The following RNF24 variants were observed in gnomAD, a reference collection of about 807,000 sequenced individuals.
RNF24 encodes ring finger protein 24.
RNF24 carries 14 observed loss-of-function variants against 20.0 expected under a neutral mutation model. That is an observed-to-expected ratio of 0.70 (90% CI 0.46 to 1.10). The LOEUF is 1.10. RNF24 is among the 50% of genes least tolerant of loss of function. RNF24 has a pLI of 0.00. For missense variants in RNF24, 124 were observed against 177.6 expected (o/e 0.70, Z 1.71); for synonymous variants, 45 against 61.1 (o/e 0.74, Z 1.23).
rs1173798858 is a variant in RNF24, at chr20:3,932,917, C to T, written c.*1146G>A. Reference sequence around the variant, plus strand: ...ATAAAGACACTTTCACTTTCAGTTTCGGAAGTCCAAATACTGAGGCACACA... The same window carrying T: ...ATAAAGACACTTTCACTTTCAGTTTTGGAAGTCCAAATACTGAGGCACACA... On this transcript the variant is annotated 3_prime_UTR_variant, in exon 6 of 6. Transcript: ENST00000358395. The T allele has an allele frequency of 5.0e-6, 2 of 398,480 alleles. No individual in the cohort carries two copies. The highest frequency in any genetic ancestry group is 3.6e-5 in the East Asian group (1 of 28,092). 24.7% of individuals were successfully genotyped at this position (398,480 alleles called of 1,614,324 possible).
rs188756172 is a variant in RNF24 at position 3,949,154 on chromosome 20, C to T, written c.144-875G>A. Among the ~76,000 whole-genome samples, 688 of 151,758 alleles carry T rather than the reference C, an allele frequency of 4.5e-3. 14 individuals carry two copies. The highest frequency in any genetic ancestry group is 0.029 in the Admixed American group (449 of 15,258). On this transcript the variant is annotated intron_variant, in intron 2 of 5. Coordinates refer to ENST00000358395, the MANE Select transcript of RNF24 (RefSeq NM_001134337.3). ...TAGCACTTTGGGAGGCCGCGGCAGG[C>T]GGATGGCCTGAGGTCAAGAGTTTGA...
At chr20:4,006,043 G>C (rs898641644) in intron 1 of RNF24, among the ~76,000 whole-genome samples, 2 of 152,116 alleles carry the variant, frequency 1.3e-5, no homozygotes, top group African/African-American at 4.8e-5. Context: ...CAAAATGAGA[G>C]ACAAGCTAAG....
intron 1 of RNF24, among the ~76,000 whole-genome samples, chr20:3,983,341 T>C (rs571472631): frequency 6.6e-6 from 1 of 152,208 alleles, no homozygotes; most frequent in African/African-American, 2.4e-5. Flanking sequence ...AGTTACCATA[T>C]ATATATTTGC....
At chr20:3,982,596 A>AG (rs34023905) in intron 1 of RNF24, among the ~76,000 whole-genome samples, 1 of 146,004 alleles carries the variant, frequency 6.8e-6, no homozygotes, top group African/African-American at 2.5e-5. Flanking sequence ...AAAAAAAAAA[A>AG]GAGGTGGGAG....
Position 3,929,918 on chromosome 20 carries a change from T to C in RNF24, c.*4145A>G, listed in dbSNP as rs2090796788. 1 of 152,254 alleles carries C rather than the reference T, an allele frequency of 6.6e-6. No homozygotes were observed. Among genetic ancestry groups the C allele is most frequent in the Admixed American group, 6.5e-5 (1 of 15,286 alleles). 9.4% of individuals were successfully genotyped at this position (152,254 alleles called of 1,614,324 possible). Reference sequence around the variant, plus strand: ...GTGTGATTGCAAAAACATCCCCCAATTCTGGGTTCACATTTTGTATTCTGA... The same window carrying C: ...GTGTGATTGCAAAAACATCCCCCAACTCTGGGTTCACATTTTGTATTCTGA... On this transcript the variant is annotated 3_prime_UTR_variant, in exon 6 of 6. Transcript: ENST00000358395.
chr20:3,976,143 T>C (rs753174686), intron 1 of RNF24, among the ~76,000 whole-genome samples: 5 of 152,192 alleles, frequency 3.3e-5, no homozygotes, highest in East Asian at 1.9e-4. Context: ...ATAGATTTTC[T>C]GTTGTTTTAA....
At chr20:3,995,701 C>T (rs762350034) in intron 1 of RNF24, among the ~76,000 whole-genome samples, 2 of 152,120 alleles carry the variant, frequency 1.3e-5, no homozygotes, top group African/African-American at 2.4e-5. Flanking sequence ...AGGATCACCT[C>T]GTTCTTTTAA....
intron 4 of RNF24, among the ~76,000 whole-genome samples, chr20:3,942,173 A>T (rs894913907): frequency 4.9e-4 from 72 of 145,594 alleles, no homozygotes; most frequent in Middle Eastern, 3.5e-3. Flanking sequence ...TCAGAAAAAT[A>T]TTTTTTTTTT....
chr20:3,951,057 A>T (rs1280658414), intron 2 of RNF24, among the ~76,000 whole-genome samples: 2 of 152,068 alleles, frequency 1.3e-5, no homozygotes, highest in Non-Finnish European at 1.5e-5. Flanking sequence ...CTGGGTTCAC[A>T]CCATTCTCCT....
chr20:4,011,325 G>C (rs1287411439), intron 1 of RNF24, among the ~76,000 whole-genome samples: 1 of 152,172 alleles, frequency 6.6e-6, no homozygotes, highest in African/African-American at 2.4e-5. Context: ...TCTGAATTCA[G>C]GAAGGAATTT....
In RNF24 at chr20:3,933,726, C is replaced by G. The variant is rs6052178; in HGVS notation, c.*337G>C. On this transcript the variant is annotated 3_prime_UTR_variant, in exon 6 of 6. Transcript: ENST00000358395. ...GGGGGTGTGGCTTGAAAGACCTGCTCTTAGTTCCCTTCTTTACCCTCCTGC... is the reference window on the plus strand; with the variant it reads ...GGGGGTGTGGCTTGAAAGACCTGCTGTTAGTTCCCTTCTTTACCCTCCTGC... 6,747 of 188,538 alleles carry G rather than the reference C, an allele frequency of 0.036. 477 individuals are homozygous for G. The highest frequency in any genetic ancestry group is 0.15 in the African/African-American group (6,362 of 42,980). 11.7% of individuals were successfully genotyped at this position (188,538 alleles called of 1,614,324 possible).
In RNF24 at chr20:3,947,683, A is replaced by AAGATT. The variant is rs1189137829; in HGVS notation, c.186+553_186+554insAATCT. Among the ~76,000 whole-genome samples, 13 of 152,342 alleles carry AAGATT rather than the reference A, an allele frequency of 8.5e-5. No individual in the cohort carries two copies. The East Asian group carries it at 2.5e-3, about 29-fold the overall frequency. Reference sequence around the variant, plus strand: ...ACAAGCTATAGCATTTCTCTTTAGCAATCTGTTGGCTCAAGTTTCCTGTTA... The same window carrying AAGATT: ...ACAAGCTATAGCATTTCTCTTTAGCAAGATTATCTGTTGGCTCAAGTTTCCTGTTA... On this transcript the variant is annotated intron_variant, in intron 3 of 5. Coordinates refer to ENST00000358395, the MANE Select transcript of RNF24 (RefSeq NM_001134337.3).
At chr20:3,941,885 C>T (rs536917662) in intron 4 of RNF24, among the ~76,000 whole-genome samples, 1 of 152,120 alleles carries the variant, frequency 6.6e-6, no homozygotes, top group Non-Finnish European at 1.5e-5. Context: ...ACCAGCCTGG[C>T]TAACATGGTG....
intron 2 of RNF24, among the ~76,000 whole-genome samples, chr20:3,953,465 CTCT>C (rs1335507488): frequency 3.4e-5 from 2 of 59,372 alleles, no homozygotes; most frequent in Admixed American, 3.1e-4. Context: ...AACACATTCT[CTCT>C]TTTTTTTTTT....
chr20:3,973,795 C>T (rs1435428562), intron 1 of RNF24, among the ~76,000 whole-genome samples: 1 of 152,074 alleles, frequency 6.6e-6, no homozygotes, highest in Non-Finnish European at 1.5e-5. Flanking sequence ...GAGGCTTTTA[C>T]CAGAGAATTC....
chr20:4,005,348 GA>G (rs920219840), intron 1 of RNF24, among the ~76,000 whole-genome samples: 12 of 149,852 alleles, frequency 8.0e-5, no homozygotes, highest in Admixed American at 2.7e-4. Context: ...TGTGATTTAA[GA>G]AAAAAAAAAT....
At chr20:3,987,466 G>A (rs1227344905) in intron 1 of RNF24, among the ~76,000 whole-genome samples, 1 of 152,042 alleles carries the variant, frequency 6.6e-6, no homozygotes, top group African/African-American at 2.4e-5. Flanking sequence ...CCTCATTTTG[G>A]CACTCAAAAC....
chr20:4,010,391 T>C (rs1021042312), intron 1 of RNF24, among the ~76,000 whole-genome samples: 2 of 152,108 alleles, frequency 1.3e-5, no homozygotes, highest in Admixed American at 6.6e-5. Context: ...AATAATAATA[T>C]GTATCCATGA....
At chr20:4,006,086 A>G (rs1035652598) in intron 1 of RNF24, among the ~76,000 whole-genome samples, 2 of 152,186 alleles carry the variant, frequency 1.3e-5, no homozygotes, top group East Asian at 1.9e-4. Context: ...TATAGAATCT[A>G]TGGTTTATGG....
Sources: gnomAD v4.1 joint callset for allele counts (sites outside exome capture counted in the v4.1 genomes callset) on GRCh38, gnomAD v4.1.1 for gene constraint, MANE v1.5 for transcripts, NCBI Gene and HGNC (gene_info 2026-07-23, HGNC 2026-07-21) for gene names.